Variants in TTC3 observed in about 807,000 individuals in gnomAD.
The protein encoded by TTC3 is E3 ubiquitin-protein ligase TTC3.
TTC3 carries 180 observed loss-of-function variants against 249.6 expected under a neutral mutation model. The ratio of observed to expected loss-of-function variants is 0.72; its 90% CI spans 0.64 to 0.82. The LOEUF (loss-of-function observed/expected upper bound fraction) is 0.82, where lower values mean the gene tolerates loss of function less well. Ranked by LOEUF, TTC3 falls within the 40% of genes least tolerant of loss-of-function variation. The probability of loss-of-function intolerance (pLI) is 0.00; values close to 1 mark genes in which losing one functional copy is unlikely to be tolerated. For missense variants in TTC3, 2,061 were observed against 2,398.4 expected (o/e 0.86, Z 2.94); for synonymous variants, 717 against 805.0 (o/e 0.89, Z 1.85).
intron 41 of TTC3, 66 bp downstream of exon 41, chr21:37,192,279 T>G (rs2084242554): frequency 9.1e-7 from 1 of 1,093,516 alleles, no homozygotes; most frequent in Non-Finnish European, 1.3e-6. Flanking sequence ...CCAAAGTAGT[T>G]ATTTGTTGTT....
At chr21:37,191,415 G>T in exon 40 of TTC3, 1 of 1,571,592 alleles carries the variant, frequency 6.4e-7, no homozygotes, top group South Asian at 1.2e-5. Flanking sequence ...AAGAAATTGA[G>T]AAAGCAAAGG....
At position 37,166,635 on chromosome 21, in the gene TTC3, GTCT is replaced by G. The variant is rs1331998214; in HGVS notation, c.4401+25_4401+27del. The G allele has an allele frequency of 4.4e-6, 7 of 1,578,634 alleles. No homozygotes were observed. The highest frequency in any genetic ancestry group is 1.1e-5 in the South Asian group (1 of 87,206). On this transcript the variant is annotated intron_variant, in intron 33 of 45. Transcript: ENST00000355666. The stretch of plus-strand genomic sequence containing the variant: ...ATACAGGTAAGAGTTAAATAGAAAA[GTCT>G]TCTTAATACTGAAGTTAAATTTTCC...
rs1569179298 is a variant in TTC3, at chr21:37,189,042, T to C, written c.5024+447T>C. On this transcript the variant is annotated intron_variant, in intron 39 of 45. Coordinates refer to ENST00000355666, the Ensembl canonical transcript of TTC3. ...CACCCTGCAGTGAGCATCCTTATAGTTAACTTTTTATGCACATTATTAGTC... is the reference window on the plus strand; with the variant it reads ...CACCCTGCAGTGAGCATCCTTATAGCTAACTTTTTATGCACATTATTAGTC... Among the ~76,000 whole-genome samples, 7 of 152,150 alleles carry C rather than the reference T, an allele frequency of 4.6e-5. No individual in the cohort carries two copies. The South Asian group carries it at 1.5e-3, about 32-fold the overall frequency.
chr21:37,149,926 G>T (rs765278327), intron 23 of TTC3, 152 bp from the exon 24 acceptor site: 5 of 579,500 alleles, frequency 8.6e-6, no homozygotes, highest in Middle Eastern at 4.8e-4. Flanking sequence ...CTTAAAATTC[G>T]CATGGCAGTG....
intron 11 of TTC3, among the ~76,000 whole-genome samples, chr21:37,112,319 G>A (rs2075745154): frequency 6.6e-6 from 1 of 152,152 alleles, no homozygotes; most frequent in African/African-American, 2.4e-5. Flanking sequence ...AGAAAAGAGA[G>A]AAGAATCAAA....
intron 12 of TTC3, among the ~76,000 whole-genome samples, chr21:37,122,373 G>T (rs772509242): frequency 1.4e-5 from 2 of 146,464 alleles, no homozygotes; most frequent in African/African-American, 2.5e-5. Flanking sequence ...TGATGTTTCC[G>T]CACCATTTGT....
rs1281203102 is a variant in TTC3 at position 37,090,188 on chromosome 21, A to G, written c.427-45A>G. ...TTTTTCCGTTAGAAAATTCAAGTAG[A>G]ATTGACTGAATAAGGAAAAAATATG... On this transcript the variant is annotated intron_variant, in intron 5 of 45. Coordinates refer to ENST00000355666, the Ensembl canonical transcript of TTC3. 6.8e-6 allele frequency: 10 copies of G among 1,464,092 alleles called. No individual in the cohort carries two copies. In the East Asian group the frequency reaches 2.3e-4, roughly 33 times the overall value. The allele number at this position is 1,464,092 out of a possible 1,614,324, so 90.7% of individuals were successfully genotyped here.
chr21:37,177,619 T>C (rs2082389950), intron 35 of TTC3, among the ~76,000 whole-genome samples: 1 of 152,172 alleles, frequency 6.6e-6, no homozygotes, highest in African/African-American at 2.4e-5. Flanking sequence ...CTTCCAAACC[T>C]TTTCCCAGTA....
intron 35 of TTC3, among the ~76,000 whole-genome samples, chr21:37,175,753 G>A (rs887489748): frequency 1.3e-5 from 2 of 151,712 alleles, no homozygotes; most frequent in Admixed American, 6.6e-5. Context: ...CTCTGCCGGC[G>A]GAAAAGTGGC....
intron 16 of TTC3, among the ~76,000 whole-genome samples, chr21:37,131,605 A>G (rs1050034266): frequency 2.0e-5 from 3 of 152,070 alleles, no homozygotes; most frequent in Admixed American, 2.0e-4. Context: ...AGAGGGACTC[A>G]TGGGAACCCT....
intron 1 of TTC3, among the ~76,000 whole-genome samples, chr21:37,080,784 A>C (rs141601334): frequency 6.6e-6 from 1 of 151,328 alleles, no homozygotes; most frequent in Non-Finnish European, 1.5e-5. Context: ...TACCTGGAAT[A>C]TTCTTTTCTT....
rs553611346 is a variant in TTC3 at position 37,182,971 on chromosome 21, G to A, written c.4757+58G>A. 6.3e-4 allele frequency: 862 copies of A among 1,359,060 alleles called. 1 individual carries two copies. The highest frequency in any genetic ancestry group is 8.1e-4 in the Non-Finnish European group (833 of 1,024,408). 84.2% of individuals were successfully genotyped at this position (1,359,060 alleles called of 1,614,324 possible). A position where few individuals can be genotyped will look rare whatever the true frequency, so the allele number is the denominator to read the frequency against. Reference sequence around the variant, plus strand: ...TTAAAAAAAAATATTGTGGCTTTTGGTTATTTTCACATTTTTGATATTTAA... The same window carrying A: ...TTAAAAAAAAATATTGTGGCTTTTGATTATTTTCACATTTTTGATATTTAA... On this transcript the variant is annotated intron_variant, in intron 36 of 45. Transcript: ENST00000355666.
intron 1 of TTC3, among the ~76,000 whole-genome samples, chr21:37,077,817 AAT>A (rs1430820803): frequency 1.3e-5 from 2 of 152,086 alleles, no homozygotes; most frequent in Non-Finnish European, 2.9e-5. Context: ...GTGCGTTGTA[AAT>A]ATCTTTTTCT....
intron 1 of TTC3, chr21:37,083,274 G>C: frequency 2.0e-6 from 2 of 985,388 alleles, no homozygotes; most frequent in Non-Finnish European, 2.4e-6. Context: ...GAGTGACTGG[G>C]GATAAAAGCA....
At chr21:37,191,587 T>C (rs971192221) in intron 40 of TTC3, among the ~76,000 whole-genome samples, 163 bp downstream of exon 40, 10 of 152,234 alleles carry the variant, frequency 6.6e-5, no homozygotes, top group Non-Finnish European at 1.0e-4. Flanking sequence ...GGTTTTGTTT[T>C]GTTTTTTTGA....
At chr21:37,179,116 A>G (rs1393952428) in intron 35 of TTC3, among the ~76,000 whole-genome samples, 3 of 152,250 alleles carry the variant, frequency 2.0e-5, no homozygotes, top group Admixed American at 6.5e-5. Flanking sequence ...GCTACAAAAA[A>G]ATTAAAAAAT....
Position 37,165,481 on chromosome 21 carries a change from G to GT in TTC3, c.3336-62dup. On this transcript the variant is annotated intron_variant, in intron 32 of 45. Transcript: ENST00000355666. ...AGTGTTTTCCTTTGGGAGAATAAAA[G>GT]TTTTTTTCAAATAGACATATTCAAG... 6 of 1,237,182 alleles carry GT rather than the reference G, an allele frequency of 4.8e-6. No individual in the cohort carries two copies. In the South Asian group the frequency reaches 6.1e-5, roughly 13 times the overall value. 76.6% of individuals were successfully genotyped at this position (1,237,182 alleles called of 1,614,324 possible).
chr21:37,110,833 C>T (rs927474733), intron 11 of TTC3, among the ~76,000 whole-genome samples: 2 of 151,434 alleles, frequency 1.3e-5, no homozygotes, highest in African/African-American at 4.8e-5. Flanking sequence ...CAAAGGGAAG[C>T]CCATCAGACT....
intron 27 of TTC3, among the ~76,000 whole-genome samples, chr21:37,154,613 G>C (rs1471845286): frequency 1.3e-5 from 2 of 152,200 alleles, no homozygotes; most frequent in Non-Finnish European, 2.9e-5. Flanking sequence ...GTTCATTCAG[G>C]TAAATGCAGC....
Sources: allele counts gnomAD v4.1 joint callset (sites outside exome capture counted in the v4.1 genomes callset), GRCh38; gene constraint gnomAD v4.1.1; transcripts MANE v1.5; gene names NCBI Gene and HGNC (gene_info 2026-07-23, HGNC 2026-07-21).